Variants in FAM221A observed in about 807,000 individuals in gnomAD.
FAM221A encodes the protein protein FAM221A.
In FAM221A, 43 loss-of-function variants were observed where a neutral mutation model predicts 37.6. The ratio of observed to expected loss-of-function variants is 1.15; its 90% CI spans 0.90 to 1.48. The LOEUF is 1.48. Among genes scored for constraint, FAM221A ranks in the 40% most tolerant of loss-of-function variants. The pLI is 0.00. For synonymous variants in FAM221A, 135 were observed against 132.9 expected, an observed-to-expected ratio of 1.02 and a Z score of -0.11; for missense variants, 361 against 361.5, an observed-to-expected ratio of 1.00 and a Z score of 0.01.
chr7:23,694,334 A>G (rs1337314219), intron 4 of FAM221A: 2 of 152,134 alleles, frequency 1.3e-5, no homozygotes, highest in Non-Finnish European at 2.9e-5. Context: ...GATATTTGAT[A>G]TGGTAAATTC....
intron 4 of FAM221A, chr7:23,694,850 C>T (rs1472994038): frequency 6.6e-6 from 1 of 152,168 alleles, no homozygotes; most frequent in Non-Finnish European, 1.5e-5. Flanking sequence ...TTTATTGCTT[C>T]AGAATTTTCC....
At chr7:23,698,332 T>G in intron 5 of FAM221A, 33 bp downstream of exon 5, 2 of 1,158,708 alleles carry the variant, frequency 1.7e-6, no homozygotes, top group Middle Eastern at 3.9e-4. Context: ...TGTTTTTGGA[T>G]GTAGTAAATT....
chr7:23,690,340 G>A (rs1352860497), intron 3 of FAM221A, among the ~76,000 whole-genome samples: 1 of 151,348 alleles, frequency 6.6e-6, no homozygotes, highest in Non-Finnish European at 1.5e-5. Context: ...AAGTAGCTGA[G>A]ATTATAGGTG....
chr7:23,681,236 G>A (rs1784021826), intron 1 of FAM221A, among the ~76,000 whole-genome samples: 1 of 152,200 alleles, frequency 6.6e-6, no homozygotes, highest in Non-Finnish European at 1.5e-5. Context: ...TCCCAGAGCA[G>A]AGCCGGCTCC....
chr7:23,699,299 T>G (rs200686129), intron 5 of FAM221A, among the ~76,000 whole-genome samples: 1 of 53,310 alleles, frequency 1.9e-5, no homozygotes, highest in Non-Finnish European at 4.1e-5. Context: ...AAACTTTTTT[T>G]TTGCAGCAGC....
intron 4 of FAM221A, chr7:23,693,101 A>T (rs1243283226): frequency 6.6e-6 from 1 of 152,200 alleles, no homozygotes; most frequent in Non-Finnish European, 1.5e-5. Flanking sequence ...TTCCTTGTTC[A>T]TGGCATTTAG....
intron 5 of FAM221A, among the ~76,000 whole-genome samples, chr7:23,699,927 G>A (rs1785303007): frequency 6.6e-6 from 1 of 152,144 alleles, no homozygotes; most frequent in South Asian, 2.1e-4. Flanking sequence ...ATGTAGATGA[G>A]TCTGGAAGAG....
At chr7:23,680,386 C>T in intron 1 of FAM221A, 103 bp downstream of exon 1, 2 of 868,372 alleles carry the variant, frequency 2.3e-6, no homozygotes, top group South Asian at 1.8e-5. Flanking sequence ...CGGGGGTTCC[C>T]GGAATCTGTG....
intron 1 of FAM221A, chr7:23,680,835 C>A (rs1432710955): frequency 6.6e-6 from 1 of 152,300 alleles, no homozygotes; most frequent in African/African-American, 2.4e-5. Flanking sequence ...CCTGCAGCGA[C>A]GCGCTCTTTT....
rs398004023 is a variant in FAM221A at position 23,690,199 on chromosome 7, ATT to A, written c.430+753_430+754del. On this transcript the variant is annotated intron_variant, in intron 3 of 6. Coordinates refer to ENST00000344962, the MANE Select transcript of FAM221A (RefSeq NM_199136.5). Reference sequence around the variant, plus strand: ...TATATATATATATATATATATATATATTTTTTTTTTTTTTAATAGAGTTTTGC... The same window carrying A: ...TATATATATATATATATATATATATATTTTTTTTTTTTAATAGAGTTTTGC... Among the ~76,000 whole-genome samples, 213 of 48,724 alleles carry A rather than the reference ATT, an allele frequency of 4.4e-3. 2 individuals carry two copies. Among genetic ancestry groups the A allele is most frequent in the Non-Finnish European group, 5.7e-3 (157 of 27,754 alleles). 32.0% of individuals were successfully genotyped at this position (48,724 alleles called of 152,430 possible). A position where few individuals can be genotyped will look rare whatever the true frequency, so the allele number is the denominator to read the frequency against.
chr7:23,681,129 G>A (rs958567882), intron 1 of FAM221A, among the ~76,000 whole-genome samples: 1 of 152,284 alleles, frequency 6.6e-6, no homozygotes, highest in African/African-American at 2.4e-5. Context: ...CCTTAGAACT[G>A]CCTGGATATT....
chr7:23,689,286 C>A lies in FAM221A; in HGVS notation c.257C>A (p.Thr86Asn), dbSNP rs768365148. 1.0e-4 allele frequency: 158 copies of A among 1,550,838 alleles called. 3 individuals are homozygous for A. The South Asian group carries it at 1.7e-3, about 17-fold the overall frequency. ...FCTHRYKQHKTDLEAIPQQCP... is the reference protein window; with the variant it reads ...FCTHRYKQHKNDLEAIPQQCP... ...TTTTTTAGGTATAAACAACATAAAA[C>A]TGACTTGGAAGCGATTCCTCAGCAG... Residue 86 changes from threonine (T) to asparagine (N), a missense_variant, in exon 3 of 7, where the codon ACT (threonine) becomes AAT (asparagine). Thr to Asn is a moderately conservative substitution (Grantham distance 65). Transcript: ENST00000344962.
At chr7:23,700,169 G>A (rs576997905) in intron 5 of FAM221A, among the ~76,000 whole-genome samples, 1 of 152,288 alleles carries the variant, frequency 6.6e-6, no homozygotes, top group East Asian at 1.9e-4. Flanking sequence ...TGTTCAGGTT[G>A]CTAGTCTGCT....
At chr7:23,682,165 A>C (rs1423591818) in intron 1 of FAM221A, among the ~76,000 whole-genome samples, 1 of 150,364 alleles carries the variant, frequency 6.7e-6, no homozygotes, top group African/African-American at 2.5e-5. Context: ...TCCTGAGCTG[A>C]AGCGACTCTC....
chr7:23,683,756 G>T (rs1784198980), intron 1 of FAM221A, among the ~76,000 whole-genome samples: 1 of 152,084 alleles, frequency 6.6e-6, no homozygotes, highest in Non-Finnish European at 1.5e-5. Flanking sequence ...TATGTTTCTG[G>T]ATCAAACCGA....
chr7:23,690,199 A>T (rs12535180), intron 3 of FAM221A, among the ~76,000 whole-genome samples: 5,774 of 48,860 alleles, frequency 0.12, 436 homozygotes, highest in African/African-American at 0.16. Flanking sequence ...ATATATATAT[A>T]TTTTTTTTTT....
Position 23,680,233 on chromosome 7 carries a change from G to C in FAM221A, c.15G>C (p.Thr5=). 1.3e-6 allele frequency: 2 copies of C among 1,549,730 alleles called. No homozygotes were observed. Among genetic ancestry groups the C allele is most frequent in the Non-Finnish European group, 1.7e-6 (2 of 1,146,116 alleles). MERL[T]LPLGGAAAVD... is the part of the protein sequence containing the mutation. ...CCCCACCGGCAATGGAGCGGTTGAC[G>C]TTGCCTCTCGGCGGCGCGGCGGCGG... is the stretch of plus-strand genomic sequence containing the variant. The change falls in exon 1 of 7, where the codon ACG becomes ACC. Residue 5 remains threonine, a synonymous_variant. Transcript: ENST00000344962.
intron 4 of FAM221A, chr7:23,692,097 GTGCACACACAT>G: frequency 5.5e-6 from 3 of 547,364 alleles, no homozygotes; most frequent in Non-Finnish European, 7.0e-6. Flanking sequence ...ATATATGTAT[GTGCACACACAT>G]ATATCTTCTT....
chr7:23,698,147 C>T (rs1378576856), intron 4 of FAM221A, 45 bp from the exon 5 acceptor site: 6 of 951,864 alleles, frequency 6.3e-6, no homozygotes, highest in South Asian at 2.8e-5. Context: ...TTGTTTGTAT[C>T]CCTGTAAATA....
Sources: gnomAD v4.1 joint callset for allele counts (sites outside exome capture counted in the v4.1 genomes callset) on GRCh38, gnomAD v4.1.1 for gene constraint, MANE v1.5 for transcripts, NCBI Gene and HGNC (gene_info 2026-07-23, HGNC 2026-07-21) for gene names.